Variants in SLC16A1 observed in about 807,000 individuals in gnomAD.
SLC16A1 encodes the protein solute carrier family 16 member 1.
Under a neutral mutation model 32.2 loss-of-function variants are expected in SLC16A1, and 11 were observed. That is an observed-to-expected ratio of 0.34 (90% CI 0.21 to 0.56). SLC16A1 has a LOEUF of 0.56. Ranked by LOEUF, SLC16A1 falls within the 20% of genes least tolerant of loss-of-function variation. The pLI, the probability that SLC16A1 is intolerant of heterozygous loss-of-function variation, is 0.87. For synonymous variants in SLC16A1, 231 were observed against 226.8 expected (o/e 1.02, Z -0.17); for missense variants, 435 against 615.0 (o/e 0.71, Z 3.10).
intron 1 of SLC16A1, among the ~76,000 whole-genome samples, chr1:112,950,754 T>C (rs1459878812): frequency 2.0e-5 from 3 of 152,204 alleles, no homozygotes; most frequent in South Asian, 2.1e-4. Context: ...CCCAGCACTT[T>C]GGGATGCCAA....
At chr1:112,920,612 A>C (rs1648690020) in intron 3 of SLC16A1, among the ~76,000 whole-genome samples, 1 of 137,650 alleles carries the variant, frequency 7.3e-6, no homozygotes, top group Non-Finnish European at 1.5e-5. Context: ...TCTCAAAAAA[A>C]CAAAACAAAA....
intron 1 of SLC16A1, among the ~76,000 whole-genome samples, chr1:112,929,830 G>A (rs1263664936): frequency 1.3e-5 from 2 of 152,180 alleles, no homozygotes; most frequent in East Asian, 3.9e-4. Context: ...CTGGGTGAAA[G>A]AGCAAGATCC....
intron 1 of SLC16A1, among the ~76,000 whole-genome samples, chr1:112,952,904 C>G (rs559982382): frequency 6.6e-6 from 1 of 152,138 alleles, no homozygotes; most frequent in African/African-American, 2.4e-5. Context: ...CTAATAAACT[C>G]GTATTTGTTC....
chr1:112,913,827 CAGT>C lies in SLC16A1; in HGVS notation c.*61_*63del, dbSNP rs1648405861. ...TGAGCACCACTGGTAGATTACAGGC[CAGT>C]AGAATATTTTCAGATATCCTGGGTC... On this transcript the variant is annotated 3_prime_UTR_variant, in exon 5 of 5. Transcript: ENST00000369626. 6.3e-7 allele frequency: 1 copy of C among 1,579,280 alleles called. No individual in the cohort carries two copies. The highest frequency in any genetic ancestry group is 1.1e-5 in the South Asian group (1 of 90,292).
At position 112,913,647 on chromosome 1, in the gene SLC16A1, A is replaced by G. The variant is rs1648398597; in HGVS notation, c.*244T>C. On this transcript the variant is annotated 3_prime_UTR_variant, in exon 5 of 5. Coordinates refer to ENST00000369626, the MANE Select transcript of SLC16A1 (RefSeq NM_003051.4). ...ATCTTTATGACACTATTAAAAGCTAAGATTAAAACAAAACAAAACAGAACC... is the reference window on the plus strand; with the variant it reads ...ATCTTTATGACACTATTAAAAGCTAGGATTAAAACAAAACAAAACAGAACC... 6 of 550,740 alleles carry G rather than the reference A, an allele frequency of 1.1e-5. No individual in the cohort carries two copies. Among genetic ancestry groups the G allele is most frequent in the Admixed American group, 6.2e-5 (2 of 32,206 alleles). The allele number at this position is 550,740 out of a possible 1,614,324, so 34.1% of individuals were successfully genotyped here. A position where few individuals can be genotyped will look rare whatever the true frequency, so the allele number is the denominator to read the frequency against.
intron 2 of SLC16A1, among the ~76,000 whole-genome samples, chr1:112,927,227 A>G (rs1433388064): frequency 6.6e-6 from 1 of 152,100 alleles, no homozygotes; most frequent in Non-Finnish European, 1.5e-5. Flanking sequence ...GAAATATTTA[A>G]AATTCCAAAC....
At chr1:112,951,573 G>C (rs1259090366) in intron 1 of SLC16A1, among the ~76,000 whole-genome samples, 1 of 152,150 alleles carries the variant, frequency 6.6e-6, no homozygotes, top group Non-Finnish European at 1.5e-5. Flanking sequence ...GGATTTAGTA[G>C]TGATTCTACT....
intron 4 of SLC16A1, among the ~76,000 whole-genome samples, chr1:112,914,979 AT>A (rs1287715323): frequency 6.6e-6 from 1 of 152,228 alleles, no homozygotes. Context: ...TTAGCATCTC[AT>A]TGAACTGGTA....
At chr1:112,936,684 T>C (rs1247962597) in intron 1 of SLC16A1, among the ~76,000 whole-genome samples, 1 of 152,076 alleles carries the variant, frequency 6.6e-6, no homozygotes, top group Non-Finnish European at 1.5e-5. Flanking sequence ...AGAAATGGGA[T>C]GAATAAGAGA....
chr1:112,938,414 C>G (rs970948509), intron 1 of SLC16A1, among the ~76,000 whole-genome samples: 2 of 152,082 alleles, frequency 1.3e-5, no homozygotes, highest in Admixed American at 1.3e-4. Context: ...CGTTTCTTTT[C>G]CACTTTGAAA....
intron 1 of SLC16A1, among the ~76,000 whole-genome samples, chr1:112,952,252 C>A (rs1242122067): frequency 6.6e-6 from 1 of 152,186 alleles, no homozygotes; most frequent in African/African-American, 2.4e-5. Flanking sequence ...GGCCTGGTTC[C>A]TTCAACAAAT....
At chr1:112,914,851 T>C (rs958346507) in intron 4 of SLC16A1, among the ~76,000 whole-genome samples, 5 of 152,250 alleles carry the variant, frequency 3.3e-5, no homozygotes, top group Non-Finnish European at 5.9e-5. Flanking sequence ...AATGAATTGA[T>C]AAATGGCATA....
At chr1:112,950,074 C>T (rs1489165312) in intron 1 of SLC16A1, among the ~76,000 whole-genome samples, 1 of 152,294 alleles carries the variant, frequency 6.6e-6, no homozygotes, top group Non-Finnish European at 1.5e-5. Flanking sequence ...ACTGCTAATA[C>T]AACTATGGTT....
At chr1:112,916,078 G>A (rs977008019) in intron 4 of SLC16A1, among the ~76,000 whole-genome samples, 2 of 151,726 alleles carry the variant, frequency 1.3e-5, no homozygotes, top group East Asian at 3.9e-4. Flanking sequence ...GGACTTGTGA[G>A]ATACAACAGG....
chr1:112,921,350 C>T (rs572786061), intron 3 of SLC16A1, among the ~76,000 whole-genome samples: 2 of 152,220 alleles, frequency 1.3e-5, no homozygotes, highest in South Asian at 4.1e-4. Flanking sequence ...AAAACAAACA[C>T]ACAGCAGTTC....
rs369234838 is a variant in SLC16A1, at chr1:112,947,918, T to C, written c.-45+8117A>G. On this transcript the variant is annotated intron_variant, in intron 1 of 4. Transcript: ENST00000369626. ...TCACCATTCTCTCCATGGAAATCTT[T>C]AGTAAAAGGAGAAAAATTTGCTGGG... 3.3e-5 allele frequency among the ~76,000 whole-genome samples: 5 copies of C among 152,282 alleles called. No individual in the cohort carries two copies. In the East Asian group the frequency reaches 5.8e-4, roughly 18 times the overall value.
chr1:112,952,369 G>C (rs1310618847), intron 1 of SLC16A1, among the ~76,000 whole-genome samples: 2 of 152,066 alleles, frequency 1.3e-5, no homozygotes, highest in African/African-American at 4.8e-5. Flanking sequence ...ACATTACGAG[G>C]AAAATAATTA....
At chr1:112,926,086 A>G (rs1049133798) in intron 2 of SLC16A1, among the ~76,000 whole-genome samples, 4 of 152,226 alleles carry the variant, frequency 2.6e-5, no homozygotes, top group Admixed American at 2.6e-4. Context: ...TTGGTCCTCA[A>G]TAAATACTGG....
Position 112,922,027 on chromosome 1 carries a change from G to C in SLC16A1, c.324C>G (p.Thr108=). Residue 108 remains threonine (T), a synonymous_variant, in exon 3 of 5, where the codon ACC becomes ACG. Transcript: ENST00000369626. The part of the protein sequence containing the change: ...CGLIAASFCN[T]VQQLYVCIGV... ...CAATACAGACGTATAGTTGCTGTAC[G>C]GTGTTACAGAAAGAAGCTGCAATCA... The C allele has an allele frequency of 1.2e-6, 2 of 1,614,128 alleles. No homozygotes were observed. The highest frequency in any genetic ancestry group is 1.7e-6 in the Non-Finnish European group (2 of 1,180,014).
Sources: gnomAD v4.1 joint callset for allele counts (sites outside exome capture counted in the v4.1 genomes callset) on GRCh38, gnomAD v4.1.1 for gene constraint, MANE v1.5 for transcripts, NCBI Gene and HGNC (gene_info 2026-07-23, HGNC 2026-07-21) for gene names.